TMEM230: variants seen among roughly 807,000 people sequenced by gnomAD.
TMEM230 encodes the protein UPF0414 transmembrane protein C20orf30.
In TMEM230, 10 loss-of-function variants were observed where a neutral mutation model predicts 15.8. The ratio of observed to expected loss-of-function variants is 0.63; its 90% CI spans 0.39 to 1.07. The LOEUF is 1.07. Ranked by LOEUF, TMEM230 falls within the 50% of genes least tolerant of loss-of-function variation. The pLI is 0.01. For missense variants in TMEM230, 165 were observed against 193.3 expected (o/e 0.85, Z 0.87); for synonymous variants, 67 against 76.9 (o/e 0.87, Z 0.68).
rs1408219611 is a variant in TMEM230, at chr20:5,109,356, T to G, written c.264A>C (p.Thr88=). The G allele has an allele frequency of 1.2e-6, 2 of 1,613,160 alleles. No individual in the cohort carries two copies. The highest frequency in any genetic ancestry group is 3.3e-5 in the Admixed American group (2 of 59,986). Residue 88 remains threonine (T), a synonymous_variant, in exon 3 of 5, where the codon ACA becomes ACC. Transcript: ENST00000342308. The stretch of plus-strand genomic sequence containing the variant: ...CCTGAAGGTCAATGTAGCCATCGTC[T>G]GTGCTGGAGAGCCTTGAATATTTCA...
At chr20:5,086,813 C>T (rs2089351398) in intron 3 of TMEM230, among the ~76,000 whole-genome samples, 1 of 151,910 alleles carries the variant, frequency 6.6e-6, no homozygotes, top group Non-Finnish European at 1.5e-5. Flanking sequence ...AATCCTCCCA[C>T]CTCAGCCTCC....
the TMEM230 span, among the ~76,000 whole-genome samples, chr20:5,062,729 T>C: frequency 6.6e-6 from 1 of 152,050 alleles, no homozygotes; most frequent in Admixed American, 6.6e-5. Flanking sequence ...TGCCACTGCA[T>C]TCCAGCCTGG....
intron 3 of TMEM230, among the ~76,000 whole-genome samples, chr20:5,074,178 A>C (rs2088915451): frequency 6.6e-6 from 1 of 152,206 alleles, no homozygotes. Context: ...ACTGGGGATC[A>C]CACTTCAACA....
At chr20:5,085,031 C>T (rs1386417479) in intron 3 of TMEM230, among the ~76,000 whole-genome samples, 1 of 152,020 alleles carries the variant, frequency 6.6e-6, no homozygotes, top group Non-Finnish European at 1.5e-5. Context: ...TTTAAAAAGT[C>T]CACTTCATTT....
chr20:5,099,906 T>G lies in TMEM230; in HGVS notation c.*885A>C, dbSNP rs1445467163. 4.1e-6 allele frequency: 4 copies of G among 983,568 alleles called. No homozygotes were observed. The highest frequency in any genetic ancestry group is 3.5e-5 in the African/African-American group (2 of 57,202). The allele number at this position is 983,568 out of a possible 1,614,324, so 60.9% of individuals were successfully genotyped here. A position where few individuals can be genotyped will look rare whatever the true frequency, so the allele number is the denominator to read the frequency against. The stretch of plus-strand genomic sequence containing the variant: ...TTTGGATTTCAACATTTTAATTTCT[T>G]TGGAATATAAGTCACTTTTTGCAAG... On this transcript the variant is annotated 3_prime_UTR_variant, in exon 5 of 5. Coordinates refer to ENST00000342308, the MANE Select transcript of TMEM230 (RefSeq NM_001009923.2).
chr20:5,066,703 C>T (rs1362556964), downstream of TMEM230, among the ~76,000 whole-genome samples: 1 of 150,658 alleles, frequency 6.6e-6, no homozygotes, highest in Non-Finnish European at 1.5e-5. Context: ...AAACCCCAAA[C>T]ATACCCAAGG....
Position 5,100,931 on chromosome 20 carries a change from C to T in TMEM230, c.412G>A (p.Gly138Arg). 1.2e-6 allele frequency: 2 copies of T among 1,613,964 alleles called. No individual in the cohort carries two copies. Among genetic ancestry groups the T allele is most frequent in the East Asian group, 4.5e-5 (2 of 44,888 alleles). Reference sequence around the variant, plus strand: ...AGCACTGGAACGGCCCGGTCTGCCCCCTGGTGGCAGAAGGAGGCAAACACA... The same window carrying T: ...AGCACTGGAACGGCCCGGTCTGCCCTCTGGTGGCAGAAGGAGGCAAACACA... The change falls in exon 5 of 5, where the codon GGG (glycine) becomes AGG (arginine). Residue 138 changes from glycine to arginine, a missense_variant and splice_region_variant. By Grantham distance (125) the Gly-to-Arg change is moderately radical. Coordinates refer to ENST00000342308, the MANE Select transcript of TMEM230 (RefSeq NM_001009923.2).
chr20:5,074,707 G>A (rs1389977382), intron 3 of TMEM230, among the ~76,000 whole-genome samples: 1 of 152,124 alleles, frequency 6.6e-6, no homozygotes, highest in African/African-American at 2.4e-5. Flanking sequence ...GGGAGGCCAA[G>A]GCAGGCGAAT....
At chr20:5,100,992 C>CG (rs2122718660) in intron 4 of TMEM230, 61 bp from the exon 4 acceptor site, 7 of 1,592,484 alleles carry the variant, frequency 4.4e-6, no homozygotes, top group South Asian at 3.4e-5. Context: ...TAAAATAAAA[C>CG]GTCACAGACC....
At chr20:5,093,584 T>A (rs562196207) in intron 3 of TMEM230, among the ~76,000 whole-genome samples, 157 of 152,094 alleles carry the variant, frequency 1.0e-3, no homozygotes, top group Non-Finnish European at 2.0e-3. Context: ...TCGCCCAGGC[T>A]GGAGTGCAGT....
downstream of TMEM230, among the ~76,000 whole-genome samples, chr20:5,099,472 G>GT (rs5840075): frequency 1.1e-3 from 165 of 145,030 alleles, no homozygotes; most frequent in Middle Eastern, 3.6e-3. Flanking sequence ...CACTTCCTGA[G>GT]TTTTTTTTTT....
chr20:5,105,763 G>A (rs994662255), intron 4 of TMEM230, among the ~76,000 whole-genome samples: 1 of 151,690 alleles, frequency 6.6e-6, no homozygotes, highest in African/African-American at 2.4e-5. Flanking sequence ...AATTGGCCAG[G>A]GGCAATGGTT....
At chr20:5,085,189 C>T (rs1293245930) in intron 3 of TMEM230, among the ~76,000 whole-genome samples, 2 of 152,164 alleles carry the variant, frequency 1.3e-5, no homozygotes, top group African/African-American at 4.8e-5. Flanking sequence ...TAGGTACAAA[C>T]CTTCTTTTTG....
chr20:5,083,874 G>A (rs2089253688), intron 3 of TMEM230, among the ~76,000 whole-genome samples: 3 of 152,102 alleles, frequency 2.0e-5, no homozygotes, highest in Admixed American at 2.0e-4. Context: ...TTTATTTTAG[G>A]TTCAGGGAAT....
At chr20:5,099,484 T>TC (rs2089772722), downstream of TMEM230, among the ~76,000 whole-genome samples, 1 of 151,460 alleles carries the variant, frequency 6.6e-6, no homozygotes, top group Non-Finnish European at 1.5e-5. Flanking sequence ...TTTTTTTTTT[T>TC]CCTCCAACTA....
At chr20:5,094,289 A>G (rs2089599871) in intron 3 of TMEM230, among the ~76,000 whole-genome samples, 1 of 151,930 alleles carries the variant, frequency 6.6e-6, no homozygotes, top group African/African-American at 2.4e-5. Context: ...TCTGTTGCCC[A>G]GGCTGGAGTC....
At chr20:5,089,875 C>T (rs2089459037) in intron 3 of TMEM230, among the ~76,000 whole-genome samples, 1 of 149,776 alleles carries the variant, frequency 6.7e-6, no homozygotes, top group African/African-American at 2.5e-5. Flanking sequence ...AAAAATTAGC[C>T]AGGCATGGTG....
chr20:5,099,857 A>G lies in TMEM230; in HGVS notation c.*934T>C. On this transcript the variant is annotated 3_prime_UTR_variant, in exon 5 of 5. Coordinates refer to ENST00000342308, the MANE Select transcript of TMEM230 (RefSeq NM_001009923.2). ...TTAAAATGTTTTCTGAAATGTTTGA[A>G]GTTAACTCATTTTATTTCTAGGATT... The G allele has an allele frequency of 1.0e-6, 1 of 966,356 alleles. No homozygotes were observed. Among genetic ancestry groups the G allele is most frequent in the Non-Finnish European group, 1.2e-6 (1 of 812,518 alleles). 59.9% of individuals were successfully genotyped at this position (966,356 alleles called of 1,614,324 possible).
At chr20:5,061,224 G>A in the TMEM230 span, 1 of 152,144 alleles carries the variant, frequency 6.6e-6, no homozygotes, top group Non-Finnish European at 1.5e-5. Context: ...GTAGGGCAAA[G>A]ATGGCACATT....
Sources: allele counts gnomAD v4.1 joint callset (sites outside exome capture counted in the v4.1 genomes callset), GRCh38; gene constraint gnomAD v4.1.1; transcripts MANE v1.5; gene names NCBI Gene and HGNC (gene_info 2026-07-23, HGNC 2026-07-21).